FRMD5: variants seen among roughly 807,000 people sequenced by gnomAD.
FRMD5 encodes FERM domain containing 5, also known as FERM domain-containing protein 5.
FRMD5 carries 20 observed loss-of-function variants against 69.0 expected under a neutral mutation model. The observed-to-expected ratio is 0.29, with a 90% CI of 0.20 to 0.42. FRMD5 has a LOEUF of 0.42. Ranked by LOEUF, FRMD5 falls within the 10% of genes least tolerant of loss-of-function variation. The probability of loss-of-function intolerance (pLI) is 1.00; values close to 1 mark genes in which losing one functional copy is unlikely to be tolerated. For synonymous variants in FRMD5, 271 were observed against 260.1 expected, an observed-to-expected ratio of 1.04 and a Z score of -0.40; for missense variants, 595 against 708.6, an observed-to-expected ratio of 0.84 and a Z score of 1.82.
intron 1 of FRMD5, among the ~76,000 whole-genome samples, chr15:43,955,587 A>G (rs1181909185): frequency 5.3e-5 from 8 of 152,260 alleles, no homozygotes; most frequent in Admixed American, 3.9e-4. Context: ...GCTTTGTGAA[A>G]AGGGCCATTT....
chr15:44,018,685 T>C (rs1891078412), intron 1 of FRMD5, among the ~76,000 whole-genome samples: 1 of 152,202 alleles, frequency 6.6e-6, no homozygotes, highest in Non-Finnish European at 1.5e-5. Context: ...CTGGCTTCCA[T>C]GGCCCTAATC....
intron 1 of FRMD5, among the ~76,000 whole-genome samples, chr15:44,192,307 A>G (rs1172370131): frequency 6.6e-6 from 1 of 152,174 alleles, no homozygotes; most frequent in Non-Finnish European, 1.5e-5. Context: ...TGGAACTATC[A>G]TGACTCCAAC....
chr15:44,035,754 A>C (rs2140298286), intron 1 of FRMD5, among the ~76,000 whole-genome samples: 1 of 152,238 alleles, frequency 6.6e-6, no homozygotes, highest in Middle Eastern at 3.4e-3. Context: ...CTGCCACCTG[A>C]GCAGTGTTGA....
intron 1 of FRMD5, among the ~76,000 whole-genome samples, chr15:43,946,933 A>G (rs988497304): frequency 6.6e-6 from 1 of 152,254 alleles, no homozygotes; most frequent in Non-Finnish European, 1.5e-5. Context: ...TTCAGTCTTT[A>G]GAACACCAGG....
At chr15:43,881,387 G>T (rs1038603906) in intron 13 of FRMD5, among the ~76,000 whole-genome samples, 1 of 152,184 alleles carries the variant, frequency 6.6e-6, no homozygotes, top group South Asian at 2.1e-4. Context: ...TCAGTTCTCC[G>T]GGTCAGCCTA....
Position 43,874,111 on chromosome 15 carries a change from T to C in FRMD5, c.1487A>G (p.Lys496Arg). The C allele has an allele frequency of 6.2e-7, 1 of 1,614,166 alleles. No individual in the cohort carries two copies. Among genetic ancestry groups the C allele is most frequent in the Non-Finnish European group, 8.5e-7 (1 of 1,180,020 alleles). Residue 496 changes from lysine to arginine, a missense_variant, in exon 14 of 14, where the codon AAG becomes AGG. Physicochemically the swap from Lys to Arg is conservative, Grantham distance 26. Transcript: ENST00000417257. The stretch of plus-strand genomic sequence containing the variant: ...CAAACGGAGGACACTTAGAACAAAC[T>C]TATTCACCTGTTCCTCCTCGGGCCC... ...HSGPEEEQVN[K>R]FVLSVLRLLL...
intron 1 of FRMD5, among the ~76,000 whole-genome samples, chr15:44,166,557 G>A (rs2077711736): frequency 6.6e-6 from 1 of 152,054 alleles, no homozygotes; most frequent in African/African-American, 2.4e-5. Context: ...GGCTGAGGAT[G>A]GTGGATCACT....
intron 1 of FRMD5, among the ~76,000 whole-genome samples, chr15:44,111,796 G>T (rs888169312): frequency 5.9e-5 from 9 of 151,956 alleles, no homozygotes; most frequent in African/African-American, 2.2e-4. Context: ...TATTTCAAAA[G>T]TCAACACGAG....
At chr15:43,995,692 G>A (rs748542970) in intron 1 of FRMD5, among the ~76,000 whole-genome samples, 2 of 151,922 alleles carry the variant, frequency 1.3e-5, no homozygotes, top group Admixed American at 1.3e-4. Flanking sequence ...CTGGTCTGGA[G>A]CCTGGGATCA....
chr15:44,197,057 C>T (rs565113057), upstream of FRMD5, among the ~76,000 whole-genome samples: 1 of 151,984 alleles, frequency 6.6e-6, no homozygotes, highest in Non-Finnish European at 1.5e-5. Context: ...AAAAATTAGC[C>T]GGGTGTGGTG....
At chr15:44,151,207 C>A (rs1417378321) in intron 1 of FRMD5, among the ~76,000 whole-genome samples, 1 of 151,704 alleles carries the variant, frequency 6.6e-6, no homozygotes, top group African/African-American at 2.4e-5. Context: ...ACCATCCTGG[C>A]TACCATGATG....
intron 1 of FRMD5, among the ~76,000 whole-genome samples, chr15:43,957,885 TC>T (rs1210870753): frequency 1.3e-5 from 2 of 152,198 alleles, no homozygotes; most frequent in Non-Finnish European, 2.9e-5. Context: ...TTACTCTTCC[TC>T]CTTAACACAC....
chr15:44,188,807 G>A (rs1040245789), intron 1 of FRMD5, among the ~76,000 whole-genome samples: 1 of 152,136 alleles, frequency 6.6e-6, no homozygotes, highest in African/African-American at 2.4e-5. Flanking sequence ...TTGGTGGGCA[G>A]TGGTTGTCTG....
At chr15:43,986,799 TG>T (rs1443007606) in intron 1 of FRMD5, among the ~76,000 whole-genome samples, 29 of 151,206 alleles carry the variant, frequency 1.9e-4, no homozygotes, top group Non-Finnish European at 3.8e-4. Flanking sequence ...GTGGGGTTTT[TG>T]TTTTTTTTTT....
intron 1 of FRMD5, among the ~76,000 whole-genome samples, chr15:44,125,109 G>A (rs978489907): frequency 4.6e-5 from 7 of 152,136 alleles, no homozygotes; most frequent in African/African-American, 1.7e-4. Context: ...TAAGAATGTT[G>A]TGCAAGTCAA....
intron 1 of FRMD5, among the ~76,000 whole-genome samples, chr15:43,929,291 C>T (rs1405478139): frequency 3.9e-5 from 6 of 152,134 alleles, no homozygotes; most frequent in African/African-American, 1.4e-4. Context: ...GTCTCATCAT[C>T]GATATCCATG....
chr15:44,139,727 C>CAAAAAAAAAAAAAAAAAAAAA (rs71111842), intron 1 of FRMD5, among the ~76,000 whole-genome samples: 2 of 72,026 alleles, frequency 2.8e-5, no homozygotes, highest in African/African-American at 5.7e-5. Flanking sequence ...CCAGTCTCTA[C>CAAAAAAAAAAAAAAAAAAAAA]AAAAAAAAAA....
chr15:44,170,044 C>T (rs1422833643), intron 1 of FRMD5, among the ~76,000 whole-genome samples: 2 of 151,956 alleles, frequency 1.3e-5, no homozygotes, highest in African/African-American at 4.8e-5. Flanking sequence ...TTAAAGTTTT[C>T]TTCTCAAATA....
At chr15:44,011,805 A>G (rs1043218358) in intron 1 of FRMD5, among the ~76,000 whole-genome samples, 2 of 152,186 alleles carry the variant, frequency 1.3e-5, no homozygotes, top group Non-Finnish European at 2.9e-5. Context: ...ACAAAGCAAG[A>G]AAGAGGCTCA....
Sources: allele counts gnomAD v4.1 joint callset (sites outside exome capture counted in the v4.1 genomes callset), GRCh38; gene constraint gnomAD v4.1.1; transcripts MANE v1.5; gene names NCBI Gene and HGNC (gene_info 2026-07-23, HGNC 2026-07-21).